The following PLEKHN1 variants were observed in gnomAD, a reference collection of about 807,000 sequenced individuals.
PLEKHN1 encodes pleckstrin homology domain containing N1.
PLEKHN1 carries 68 observed loss-of-function variants against 72.8 expected under a neutral mutation model. The observed-to-expected ratio is 0.93, with a 90% CI of 0.77 to 1.14. The LOEUF is 1.14. Ranked by LOEUF, PLEKHN1 falls within the 50% of genes most tolerant of loss-of-function variation. The probability of loss-of-function intolerance (pLI) is 0.00; values close to 1 mark genes in which losing one functional copy is unlikely to be tolerated. For synonymous variants in PLEKHN1, 454 were observed against 371.6 expected (o/e 1.22, Z -2.55); for missense variants, 1,015 against 840.5 (o/e 1.21, Z -2.57).
Position 970,600 on chromosome 1 carries a change from A to C in PLEKHN1, c.410A>C (p.Gln137Pro). Residue 137 changes from glutamine to proline, a missense_variant and splice_region_variant, in exon 4 of 16, where the codon CAG becomes CCG. Coordinates refer to ENST00000379410, the MANE Select transcript of PLEKHN1 (RefSeq NM_032129.3). This position sits in a 1 kb window ranked among gnomAD's most constrained non-coding sequence, Gnocchi z 4.2. ...CACGGCTCGGAAGGACTCACATTTC[A>C]GGTGAGGCGGTGGGCAATGGGGTGG... ...QAHGSEGLTF[Q>P]GLLPLTELSV... 1 of 1,612,250 alleles carries C rather than the reference A, an allele frequency of 6.2e-7. No individual in the cohort carries two copies. Among genetic ancestry groups the C allele is most frequent in the Non-Finnish European group, 8.5e-7 (1 of 1,179,622 alleles).
In PLEKHN1 at chr1:971,118, T is replaced by G; in HGVS notation, c.618T>G (p.Arg206=). 1 of 1,597,402 alleles carries G rather than the reference T, an allele frequency of 6.3e-7. No individual in the cohort carries two copies. The highest frequency in any genetic ancestry group is 1.1e-5 in the South Asian group (1 of 88,564). ...RRCHSAPPQR[R]LTRLRTASGH... is the part of the protein sequence containing the mutation. ...AACTCCCCTGGACTTTGCAGCGCCG[T>G]CTAACCCGGCTGCGGACGGCGTCAG... The change falls in exon 7 of 16, where the codon CGT becomes CGG. Residue 206 remains arginine, a synonymous_variant. Coordinates refer to ENST00000379410, the MANE Select transcript of PLEKHN1 (RefSeq NM_032129.3).
rs753664655 is a variant in PLEKHN1 at position 970,891 on chromosome 1, CA to C, written c.498del (p.Leu168SerfsTer40). On this transcript the variant is annotated frameshift_variant, in exon 6 of 16. Coordinates refer to ENST00000379410, the MANE Select transcript of PLEKHN1 (RefSeq NM_032129.3). LOFTEE classifies it high-confidence loss of function. This position sits in a 1 kb window ranked among gnomAD's most constrained non-coding sequence, Gnocchi z 4.2. ...GCCCTGCCCGCAGGCCCACTGCCCG[CA>C]CCCCTCCTGGTGCTCTGCCCCAGCC... ...HAFQITGPLP[A>X]PLLVLCPSRA... 2 of 1,611,220 alleles carry C rather than the reference CA, an allele frequency of 1.2e-6. No homozygotes were observed. The highest frequency in any genetic ancestry group is 4.5e-5 in the East Asian group (2 of 44,876).
chr1:972,179 C>T (rs775630939), intron 9 of PLEKHN1, 29 bp downstream of exon 9: 69 of 1,610,592 alleles, frequency 4.3e-5, no homozygotes, highest in South Asian at 2.8e-4. Flanking sequence ...TTCTGCCTCC[C>T]GCCTGGCCAG....
chr1:969,145 G>A (rs1487233826), intron 2 of PLEKHN1, among the ~76,000 whole-genome samples: 1 of 152,110 alleles, frequency 6.6e-6, no homozygotes, highest in African/African-American at 2.4e-5. Flanking sequence ...TGCAGACGTG[G>A]GAGGGTTTTG....
At chr1:973,096 C>T in intron 11 of PLEKHN1, 86 bp downstream of exon 11, 2 of 1,513,226 alleles carry the variant, frequency 1.3e-6, no homozygotes, top group South Asian at 1.3e-5. Context: ...CTCAGGGGAA[C>T]TCAGACTGGA....
At position 971,378 on chromosome 1, in the gene PLEKHN1, G is replaced by A. The variant is rs146481946; in HGVS notation, c.763G>A (p.Glu255Lys). The A allele has an allele frequency of 1.9e-5, 30 of 1,588,320 alleles. No individual in the cohort carries two copies. The highest frequency in any genetic ancestry group is 5.2e-5 in the Admixed American group (3 of 57,416). The change falls in exon 8 of 16, where the codon GAG (glutamate) becomes AAG (lysine). Residue 255 changes from glutamate to lysine, a missense_variant. By Grantham distance (56) the Glu-to-Lys change is moderately conservative (BLOSUM62 1). Coordinates refer to ENST00000379410, the MANE Select transcript of PLEKHN1 (RefSeq NM_032129.3). ...LYPTSLAIFS[E>K]ELDGLCFKGE... ...CCCAACGTCCTTGGCCATTTTCTCCGAGGAGCTGGACGGGCTTTGCTTCAA... is the reference window on the plus strand; with the variant it reads ...CCCAACGTCCTTGGCCATTTTCTCCAAGGAGCTGGACGGGCTTTGCTTCAA...
At position 972,898 on chromosome 1, in the gene PLEKHN1, G is replaced by A; in HGVS notation, c.1040G>A (p.Gly347Glu). ...GGCCGAGGCTCACTCTCCTCAGGCGGACAGACCAGCTGGGACTCGGGGTGC... is the reference window on the plus strand; with the variant it reads ...GGCCGAGGCTCACTCTCCTCAGGCGAACAGACCAGCTGGGACTCGGGGTGC... Reference protein sequence around the residue: ...GSGRGSLSSGGQTSWDSGCLA... With the variant: ...GSGRGSLSSGEQTSWDSGCLA... The change falls in exon 11 of 16, where the codon GGA becomes GAA. Residue 347 changes from glycine (G) to glutamate (E), a missense_variant. By Grantham distance (98) the Gly-to-Glu change is moderately conservative. Coordinates refer to ENST00000379410, the MANE Select transcript of PLEKHN1 (RefSeq NM_032129.3). 1.9e-6 allele frequency: 3 copies of A among 1,559,392 alleles called. No homozygotes were observed. The highest frequency in any genetic ancestry group is 2.6e-6 in the Non-Finnish European group (3 of 1,151,568).
At position 974,318 on chromosome 1, in the gene PLEKHN1, C is replaced by G; in HGVS notation, c.1656C>G (p.Val552=). Reference sequence around the variant, plus strand: ...AGACTTGCGGTTTGGGGTTCCAGGTCTCCTCTGCCAGGGAAGGTTCGCCCG... The same window carrying G: ...AGACTTGCGGTTTGGGGTTCCAGGTGTCCTCTGCCAGGGAAGGTTCGCCCG... ...GPQPPDAPQL[V]SSAREGSPEP... The change falls in exon 15 of 16, where the codon GTC becomes GTG. Residue 552 remains valine, a splice_region_variant and synonymous_variant. Transcript: ENST00000379410. 3 of 1,612,968 alleles carry G rather than the reference C, an allele frequency of 1.9e-6. No individual in the cohort carries two copies. Among genetic ancestry groups the G allele is most frequent in the Non-Finnish European group, 2.5e-6 (3 of 1,180,008 alleles).
Position 970,775 on chromosome 1 carries a change from C to A in PLEKHN1, c.484+17C>A. Reference sequence around the variant, plus strand: ...AGATCACAGGTGTTTGGGATGCTTCCCGGGCCCCCAGAGGCACTCCTGACC... The same window carrying A: ...AGATCACAGGTGTTTGGGATGCTTCACGGGCCCCCAGAGGCACTCCTGACC... On this transcript the variant is annotated intron_variant, in intron 5 of 15. Transcript: ENST00000379410. This position sits in a 1 kb window ranked among gnomAD's most constrained non-coding sequence, Gnocchi z 4.2. 1.2e-6 allele frequency: 2 copies of A among 1,612,712 alleles called. No individual in the cohort carries two copies. The highest frequency in any genetic ancestry group is 1.7e-6 in the Non-Finnish European group (2 of 1,179,874).
intron 7 of PLEKHN1, 29 bp downstream of exon 7, chr1:971,237 G>A (rs755742476): frequency 2.6e-6 from 4 of 1,560,852 alleles, no homozygotes; most frequent in Admixed American, 3.8e-5. Flanking sequence ...GGGCTGTAGG[G>A]GGATGGGAGG....
chr1:972,474 G>A lies in PLEKHN1; in HGVS notation c.1002+50G>A, dbSNP rs548098500. The A allele has an allele frequency of 4.0e-6, 6 of 1,498,580 alleles. No homozygotes were observed. The East Asian group carries it at 7.4e-5, about 18-fold the overall frequency. 92.8% of individuals were successfully genotyped at this position (1,498,580 alleles called of 1,614,324 possible). On this transcript the variant is annotated intron_variant, in intron 10 of 15. Coordinates refer to ENST00000379410, the MANE Select transcript of PLEKHN1 (RefSeq NM_032129.3). Reference sequence around the variant, plus strand: ...CCCAGGTCCTGGGCAGTGGTAAAAAGGGGGCAGCAGACCGGGCGTGGTGGC... The same window carrying A: ...CCCAGGTCCTGGGCAGTGGTAAAAAAGGGGCAGCAGACCGGGCGTGGTGGC...
rs1359462914 is a variant in PLEKHN1 at position 970,926 on chromosome 1, C to A, written c.532C>A (p.Leu178Met). The A allele has an allele frequency of 1.2e-6, 2 of 1,610,486 alleles. No individual in the cohort carries two copies. Among genetic ancestry groups the A allele is most frequent in the East Asian group, 2.2e-5 (1 of 44,850 alleles). The change falls in exon 6 of 16, where the codon CTG (leucine) becomes ATG (methionine). Residue 178 changes from leucine to methionine, a missense_variant. Physicochemically the swap from Leu to Met is conservative, Grantham distance 15. Coordinates refer to ENST00000379410, the MANE Select transcript of PLEKHN1 (RefSeq NM_032129.3). The surrounding 1 kb of genome is among the most constrained non-coding windows in gnomAD (Gnocchi z 4.2). Reference sequence around the variant, plus strand: ...GGTGCTCTGCCCCAGCCGGGCCGAGCTGGACCGCTGGCTTTACCACCTGGA... The same window carrying A: ...GGTGCTCTGCCCCAGCCGGGCCGAGATGGACCGCTGGCTTTACCACCTGGA... ...LLVLCPSRAE[L>M]DRWLYHLEKQ...
chr1:971,179 A>G lies in PLEKHN1; in HGVS notation c.679A>G (p.Arg227Gly), dbSNP rs1175601775. The G allele has an allele frequency of 6.3e-7, 1 of 1,594,694 alleles. No homozygotes were observed. The highest frequency in any genetic ancestry group is 1.3e-5 in the African/African-American group (1 of 74,614). ...EPGGSAVCAS[R>G]VKLQHLPAQE... Reference sequence around the variant, plus strand: ...CGGCGGCAGTGCTGTCTGTGCCTCGAGGGTCAAGCTGCAGCACCTGCCCGC... The same window carrying G: ...CGGCGGCAGTGCTGTCTGTGCCTCGGGGGTCAAGCTGCAGCACCTGCCCGC... The change falls in exon 7 of 16, where the codon AGG becomes GGG. Residue 227 changes from arginine (R) to glycine (G), a missense_variant. Physicochemically the swap from Arg to Gly is moderately radical, Grantham distance 125 (BLOSUM62 -2). Transcript: ENST00000379410.
Position 973,334 on chromosome 1 carries a change from C to T in PLEKHN1, c.1293+8C>T, listed in dbSNP as rs756352197. 6.6e-5 allele frequency: 102 copies of T among 1,549,770 alleles called. No individual in the cohort carries two copies. Among genetic ancestry groups the T allele is most frequent in the Non-Finnish European group, 8.5e-5 (97 of 1,143,790 alleles). ...CACCTGGACCTGACCCAGGTGGGCCCAGCACACCCACACAGCCCCTGGCCT... is the reference window on the plus strand; with the variant it reads ...CACCTGGACCTGACCCAGGTGGGCCTAGCACACCCACACAGCCCCTGGCCT... On this transcript the variant is annotated splice_region_variant and intron_variant, in intron 12 of 15. Transcript: ENST00000379410.
intron 2 of PLEKHN1, among the ~76,000 whole-genome samples, chr1:968,774 G>T (rs1643134312): frequency 6.6e-6 from 1 of 152,220 alleles, no homozygotes; most frequent in Admixed American, 6.5e-5. Context: ...TGCAAAGCGG[G>T]TAAGGAGGGG....
chr1:971,629 G>C (rs1570037539), intron 8 of PLEKHN1: 1 of 604,720 alleles, frequency 1.7e-6, no homozygotes, highest in Admixed American at 2.9e-5. Flanking sequence ...TCACCCTGGG[G>C]CGGGCAGCAT....
At position 971,214 on chromosome 1, in the gene PLEKHN1, TG is replaced by T; in HGVS notation, c.708+9del. 6.4e-7 allele frequency: 1 copy of T among 1,570,642 alleles called. No homozygotes were observed. The highest frequency in any genetic ancestry group is 8.6e-7 in the Non-Finnish European group (1 of 1,158,414). Reference sequence around the variant, plus strand: ...TGCAGCACCTGCCCGCACAGGTGGGTGGGAGGTGCGTGGGGCTGTAGGGGGA... The same window carrying T: ...TGCAGCACCTGCCCGCACAGGTGGGTGGAGGTGCGTGGGGCTGTAGGGGGA... On this transcript the variant is annotated splice_region_variant and intron_variant, in intron 7 of 15. Transcript: ENST00000379410.
chr1:973,427 CT>C, intron 12 of PLEKHN1, 72 bp from the exon 13 acceptor site: 1 of 1,584,526 alleles, frequency 6.3e-7, no homozygotes, highest in Non-Finnish European at 8.6e-7. Flanking sequence ...ACCCAGAGGC[CT>C]CTTGCACAGA....
At position 966,744 on chromosome 1, in the gene PLEKHN1, G is replaced by A. The variant is rs750155366; in HGVS notation, c.124G>A (p.Glu42Lys). Residue 42 changes from glutamate to lysine, a missense_variant, in exon 2 of 16, where the codon GAG becomes AAG. Coordinates refer to ENST00000379410, the MANE Select transcript of PLEKHN1 (RefSeq NM_032129.3). ...ARMSAGLPGP[E>K]AARSGDAAAN... ...GATGTCGGCCGGCCTGCCGGGCCCCGAGGCTGCTCGAAGCGGGGACGCCGC... is the reference window on the plus strand; with the variant it reads ...GATGTCGGCCGGCCTGCCGGGCCCCAAGGCTGCTCGAAGCGGGGACGCCGC... 7.0e-6 allele frequency: 11 copies of A among 1,575,408 alleles called. No homozygotes were observed. Among genetic ancestry groups the A allele is most frequent in the East Asian group, 2.4e-5 (1 of 42,462 alleles).
Sources: gnomAD v4.1 joint callset for allele counts (sites outside exome capture counted in the v4.1 genomes callset) on GRCh38, gnomAD v4.1.1 for gene constraint, Gnocchi (gnomAD v3.1) non-coding constraint, MANE v1.5 for transcripts, NCBI Gene and HGNC (gene_info 2026-07-23, HGNC 2026-07-21) for gene names.